Variants in ABI3 observed in about 807,000 individuals in gnomAD.
ABI3 encodes the protein ABI gene family member 3.
In ABI3, 24 loss-of-function variants were observed where a neutral mutation model predicts 37.0. The observed-to-expected ratio is 0.65, with a 90% CI of 0.47 to 0.91. ABI3 has a LOEUF of 0.91. Among genes scored for constraint, ABI3 ranks in the 40% least tolerant of loss-of-function variants. ABI3 has a pLI of 0.00. For synonymous variants in ABI3, 220 were observed against 211.8 expected (o/e 1.04, Z -0.34); for missense variants, 481 against 485.1 (o/e 0.99, Z 0.08).
chr17:49,211,306 G>C (rs1048464722), intron 1 of ABI3, among the ~76,000 whole-genome samples: 20 of 152,216 alleles, frequency 1.3e-4, no homozygotes, highest in Non-Finnish European at 2.5e-4. Flanking sequence ...GAAAGGGAGA[G>C]TGGGGATAAG....
intron 7 of ABI3, 82 bp from the exon 8 acceptor site, chr17:49,222,470 C>A: frequency 6.5e-7 from 1 of 1,532,614 alleles, no homozygotes; most frequent in Non-Finnish European, 8.9e-7. Flanking sequence ...TACTTGAGAC[C>A]GTGCATCCCC....
chr17:49,219,466 A>G lies in ABI3; in HGVS notation c.463-74A>G, dbSNP rs1010707319. ...CCCGGTTCCCGTCCGCCCCTCCTCC[A>G]TTTCCTCTTGGGGATGAGGGTGGAG... On this transcript the variant is annotated intron_variant, in intron 3 of 7. Transcript: ENST00000225941. The surrounding 1 kb of genome is among the most constrained non-coding windows in gnomAD (Gnocchi z 4.3). The G allele has an allele frequency of 3.0e-6, 4 of 1,338,724 alleles. No individual in the cohort carries two copies. The highest frequency in any genetic ancestry group is 1.5e-5 in the African/African-American group (1 of 68,100). 82.9% of individuals were successfully genotyped at this position (1,338,724 alleles called of 1,614,324 possible). A position where few individuals can be genotyped will look rare whatever the true frequency, so the allele number is the denominator to read the frequency against.
chr17:49,210,791 C>G lies in ABI3; in HGVS notation c.67C>G (p.His23Asp). ...TGGCCGGGAGGCTCTGAGGGGCAAC[C>G]ACAGTGCCCTGCTGCGGGTCGCTGA... ...PTGREALRGN[H>D]SALLRVADYC... Residue 23 changes from histidine to aspartate, a missense_variant, in exon 1 of 8, where the codon CAC becomes GAC. Physicochemically the swap from His to Asp is moderately conservative, Grantham distance 81. Transcript: ENST00000225941. The surrounding 1 kb of genome is among the most constrained non-coding windows in gnomAD (Gnocchi z 4.2). 1 of 1,556,250 alleles carries G rather than the reference C, an allele frequency of 6.4e-7. No individual in the cohort carries two copies. Among genetic ancestry groups the G allele is most frequent in the Non-Finnish European group, 8.7e-7 (1 of 1,149,454 alleles).
chr17:49,219,849 C>T lies in ABI3; in HGVS notation c.549-9C>T, dbSNP rs771525248. 2.1e-5 allele frequency: 32 copies of T among 1,540,648 alleles called. No homozygotes were observed. In the African/African-American group the frequency reaches 2.9e-4, roughly 14 times the overall value. On this transcript the variant is annotated splice_polypyrimidine_tract_variant and intron_variant, in intron 4 of 7. Transcript: ENST00000225941. This position sits in a 1 kb window ranked among gnomAD's most constrained non-coding sequence, Gnocchi z 4.3. ...TTCCTCCTAATACCCACTCCCTGCC[C>T]CCCGCCAGGAGACCACCCCGGATTC... is the stretch of plus-strand genomic sequence containing the variant.
At chr17:49,220,388 C>G (rs1817164055) in intron 6 of ABI3, 62 bp downstream of exon 6, 1 of 1,516,198 alleles carries the variant, frequency 6.6e-7, no homozygotes, top group Non-Finnish European at 8.9e-7. Flanking sequence ...CTGCCACTCC[C>G]CAGCCCACCT....
At chr17:49,214,865 A>G (rs2043204569) in intron 1 of ABI3, among the ~76,000 whole-genome samples, 1 of 152,228 alleles carries the variant, frequency 6.6e-6, no homozygotes, top group Non-Finnish European at 1.5e-5. Context: ...TCGACCTGCT[A>G]ATTAACTCAC....
chr17:49,220,402 T>G, intron 6 of ABI3, 76 bp downstream of exon 6: 1 of 1,502,092 alleles, frequency 6.7e-7, no homozygotes, highest in Non-Finnish European at 8.9e-7. Flanking sequence ...CCCACCTCTC[T>G]TGGATCTGCC....
chr17:49,221,984 G>A, intron 6 of ABI3, 107 bp from the exon 7 acceptor site: 1 of 1,403,682 alleles, frequency 7.1e-7, no homozygotes, highest in Non-Finnish European at 9.4e-7. Flanking sequence ...CTCCCAACGT[G>A]CCTCGCTGAG....
chr17:49,220,603 G>A (rs2043274023), intron 6 of ABI3, among the ~76,000 whole-genome samples: 1 of 152,156 alleles, frequency 6.6e-6, no homozygotes, highest in Non-Finnish European at 1.5e-5. Flanking sequence ...CCAGCAGTTT[G>A]GGTGGCCGAG....
In ABI3 at chr17:49,217,647, C is replaced by A. The variant is rs78059576; in HGVS notation, c.286-92C>A. On this transcript the variant is annotated intron_variant, in intron 2 of 7. Coordinates refer to ENST00000225941, the MANE Select transcript of ABI3 (RefSeq NM_016428.3). ...TTTTTCTAGACCTGGCTGCCTCCCCCCCCCAGCCCAGTCTTTATCTTCTTC... is the reference window on the plus strand; with the variant it reads ...TTTTTCTAGACCTGGCTGCCTCCCCACCCCAGCCCAGTCTTTATCTTCTTC... The A allele has an allele frequency of 7.3e-4, 912 of 1,241,074 alleles. 1 individual carries two copies. The highest frequency in any genetic ancestry group is 6.1e-4 in the Non-Finnish European group (559 of 912,214). The allele number at this position is 1,241,074 out of a possible 1,614,324, so 76.9% of individuals were successfully genotyped here.
chr17:49,220,041 G>A, intron 5 of ABI3, 88 bp downstream of exon 5: 1 of 1,538,986 alleles, frequency 6.5e-7, no homozygotes, highest in Non-Finnish European at 8.8e-7. Context: ...GTGACTCCTG[G>A]GCTTGAAAGG....
Position 49,219,846 on chromosome 17 carries a change from G to GC in ABI3, c.549-6dup, listed in dbSNP as rs760086794. ...TCCTTCCTCCTAATACCCACTCCCT[G>GC]CCCCCCGCCAGGAGACCACCCCGGA... On this transcript the variant is annotated splice_polypyrimidine_tract_variant and intron_variant, in intron 4 of 7. Coordinates refer to ENST00000225941, the MANE Select transcript of ABI3 (RefSeq NM_016428.3). The surrounding 1 kb of genome is among the most constrained non-coding windows in gnomAD (Gnocchi z 4.3). The GC allele has an allele frequency of 1.2e-5, 18 of 1,539,330 alleles. 1 individual carries two copies. Among genetic ancestry groups the GC allele is most frequent in the African/African-American group, 9.6e-5 (7 of 73,104 alleles).
In ABI3 at chr17:49,219,932, C is replaced by T. The variant is rs199635084; in HGVS notation, c.623C>T (p.Ala208Val). ...GGCAGACTCTCCGCCGCCTCCTCTG[C>T]GTTTTCCCTGGCCTCGGCCGGGTGA... ...PDGRLSAASSAFSLASAGSAE... is the reference protein window; with the variant it reads ...PDGRLSAASSVFSLASAGSAE... Residue 208 changes from alanine (A) to valine (V), a missense_variant, in exon 5 of 8, where the codon GCG (alanine) becomes GTG (valine). Physicochemically the swap from Ala to Val is moderately conservative, Grantham distance 64. Transcript: ENST00000225941. The surrounding 1 kb of genome is among the most constrained non-coding windows in gnomAD (Gnocchi z 4.3). 81 of 1,554,344 alleles carry T rather than the reference C, an allele frequency of 5.2e-5. No homozygotes were observed. In the African/African-American group the frequency reaches 8.1e-4, roughly 16 times the overall value.
Position 49,217,869 on chromosome 17 carries a change from G to A in ABI3, c.416G>A (p.Arg139Lys). The A allele has an allele frequency of 1.3e-6, 2 of 1,591,712 alleles. No homozygotes were observed. The highest frequency in any genetic ancestry group is 1.7e-6 in the Non-Finnish European group (2 of 1,170,730). The change falls in exon 3 of 8, where the codon AGA becomes AAA. Residue 139 changes from arginine to lysine, a missense_variant. Transcript: ENST00000225941. ...NLPPLTPYCR[R>K]PLNFGCLDDI... ...CCCCCTCTCACGCCCTACTGCAGGA[G>A]ACCCCTCAACTTTGGCTGCCTGGAC...
intron 7 of ABI3, 46 bp downstream of exon 7, chr17:49,222,271 G>A: frequency 6.3e-7 from 1 of 1,590,620 alleles, no homozygotes; most frequent in Non-Finnish European, 8.6e-7. Flanking sequence ...CACTTCCTCT[G>A]TTGCCCTGAT....
rs2043261043 is a variant in ABI3, at chr17:49,219,766, C to T, written c.549-92C>T. On this transcript the variant is annotated intron_variant, in intron 4 of 7. Transcript: ENST00000225941. The surrounding 1 kb of genome is among the most constrained non-coding windows in gnomAD (Gnocchi z 4.3). ...TGGATGCCTGGCGCCAAACCTCCCC[C>T]TCGGCCACCTGCCCTTCCTGCTCGC... is the stretch of plus-strand genomic sequence containing the variant. The T allele has an allele frequency of 6.9e-7, 1 of 1,444,200 alleles. No individual in the cohort carries two copies. 89.5% of individuals were successfully genotyped at this position (1,444,200 alleles called of 1,614,324 possible). A position where few individuals can be genotyped will look rare whatever the true frequency, so the allele number is the denominator to read the frequency against.
At position 49,216,543 on chromosome 17, in the gene ABI3, C is replaced by T. The variant is rs200790496; in HGVS notation, c.130C>T (p.Arg44Trp). 1.0e-4 allele frequency: 161 copies of T among 1,585,400 alleles called. No individual in the cohort carries two copies. The highest frequency in any genetic ancestry group is 3.4e-4 in the Middle Eastern group (2 of 5,932). Residue 44 changes from arginine to tryptophan, a missense_variant, in exon 2 of 8, where the codon CGG (arginine) becomes TGG (tryptophan). Coordinates refer to ENST00000225941, the MANE Select transcript of ABI3 (RefSeq NM_016428.3). ...GTGTGTATTTCAGGCCACAGACAAG[C>T]GGAAGGCGCTGGAGGAGACCATGGC... ...EDNYVQATDK[R>W]KALEETMAFT...
intron 1 of ABI3, among the ~76,000 whole-genome samples, chr17:49,212,970 TCTC>T (rs2043183690): frequency 6.6e-6 from 1 of 152,150 alleles, no homozygotes; most frequent in African/African-American, 2.4e-5. Flanking sequence ...TCCACAGGGC[TCTC>T]ATTTGCACAC....
In ABI3 at chr17:49,219,551, G is replaced by A; in HGVS notation, c.474G>A (p.Thr158=). The A allele has an allele frequency of 3.1e-6, 5 of 1,603,828 alleles. No homozygotes were observed. In the South Asian group the frequency reaches 4.5e-5, roughly 14 times the overall value. Residue 158 remains threonine, a synonymous_variant, in exon 4 of 8, where the codon ACG becomes ACA. Transcript: ENST00000225941. This position sits in a 1 kb window ranked among gnomAD's most constrained non-coding sequence, Gnocchi z 4.3. ...CCGCTCCCTCGCAGGACCTCAGCAC[G>A]CAGCTGTCAAGAACAGGCACCCTGT... The part of the protein sequence containing the change: ...DIGHGIKDLS[T]QLSRTGTLSR...
Sources: allele counts gnomAD v4.1 joint callset (sites outside exome capture counted in the v4.1 genomes callset), GRCh38; gene constraint gnomAD v4.1.1; non-coding constraint Gnocchi (gnomAD v3.1); transcripts MANE v1.5; gene names NCBI Gene and HGNC (gene_info 2026-07-23, HGNC 2026-07-21).